FAM135B: variants seen among roughly 807,000 people sequenced by gnomAD.
FAM135B encodes family with sequence similarity 135 member B.
FAM135B carries 43 observed loss-of-function variants against 127.7 expected under a neutral mutation model. The ratio of observed to expected loss-of-function variants is 0.34; its 90% confidence interval spans 0.26 to 0.43. The LOEUF (loss-of-function observed/expected upper bound fraction) is 0.43. Ranked by LOEUF, FAM135B falls within the 20% of genes least tolerant of loss-of-function variation. FAM135B has a pLI of 1.00. For missense variants in FAM135B, 1,558 were observed against 1,725.6 expected (o/e 0.90, Z 1.72); for synonymous variants, 670 against 665.1 (o/e 1.01, Z -0.11).
At position 138,489,550 on chromosome 8, in the gene FAM135B, C is replaced by A. The variant is rs369611905; in HGVS notation, c.-20+7121G>T. ...TATATTGCAACCAGAATGGACCATT[C>A]CAAAATGCATGTTTGTATCTGTCAT... On this transcript the variant is annotated intron_variant, in intron 1 of 19. Coordinates refer to ENST00000395297, the MANE Select transcript of FAM135B (RefSeq NM_015912.4). Among the ~76,000 whole-genome samples the A allele has an allele frequency of 1.2e-4, 19 of 152,264 alleles. No homozygotes were observed. The East Asian group carries it at 2.9e-3, about 23-fold the overall frequency.
intron 7 of FAM135B, among the ~76,000 whole-genome samples, chr8:138,239,863 G>A (rs1820597660): frequency 1.3e-5 from 2 of 152,146 alleles, no homozygotes; most frequent in Admixed American, 1.3e-4. Flanking sequence ...CATGGATGAA[G>A]CTGGAAACCA....
intron 1 of FAM135B, among the ~76,000 whole-genome samples, chr8:138,417,383 A>G (rs1012366111): frequency 2.6e-5 from 4 of 152,154 alleles, no homozygotes; most frequent in Non-Finnish European, 4.4e-5. Context: ...GCAGGCCCTC[A>G]CCACCAGCAA....
intron 12 of FAM135B, among the ~76,000 whole-genome samples, chr8:138,153,430 T>C (rs569084841): frequency 1.0e-3 from 153 of 152,122 alleles, no homozygotes; most frequent in Middle Eastern, 3.4e-3. Context: ...GTCCATCTCA[T>C]TGGGACTTGT....
At chr8:138,206,819 A>G in intron 7 of FAM135B, among the ~76,000 whole-genome samples, 1 of 150,582 alleles carries the variant, frequency 6.6e-6, no homozygotes, top group African/African-American at 2.4e-5. Flanking sequence ...CCACCTACAC[A>G]CAACTCCAGC....
At chr8:138,480,533 T>C (rs1814730576) in intron 1 of FAM135B, among the ~76,000 whole-genome samples, 1 of 152,188 alleles carries the variant, frequency 6.6e-6, no homozygotes, top group South Asian at 2.1e-4. Flanking sequence ...AAATAGGATT[T>C]TTTTAATCTA....
intron 2 of FAM135B, chr8:138,367,385 G>A (rs926286003): frequency 1.3e-5 from 6 of 456,092 alleles, no homozygotes; most frequent in Middle Eastern, 3.2e-4. Context: ...TCACCTGCAC[G>A]TGAAATGCCA....
At chr8:138,185,211 G>A (rs1357657730) in intron 9 of FAM135B, among the ~76,000 whole-genome samples, 5 of 152,156 alleles carry the variant, frequency 3.3e-5, no homozygotes, top group Non-Finnish European at 5.9e-5. Flanking sequence ...GCATCAAAAC[G>A]AGGACCCATG....
intron 7 of FAM135B, among the ~76,000 whole-genome samples, chr8:138,202,000 CT>C (rs1817164054): frequency 6.6e-6 from 1 of 152,004 alleles, no homozygotes; most frequent in African/African-American, 2.4e-5. Context: ...TGGCACATGC[CT>C]GTAATCCCAG....
intron 7 of FAM135B, among the ~76,000 whole-genome samples, chr8:138,239,606 C>G (rs1417565888): frequency 6.6e-6 from 1 of 152,140 alleles, no homozygotes; most frequent in Non-Finnish European, 1.5e-5. Flanking sequence ...CCTCAAGGAT[C>G]TAGAACTAGA....
intron 12 of FAM135B, among the ~76,000 whole-genome samples, chr8:138,166,941 C>A (rs1819985252): frequency 6.6e-6 from 1 of 152,012 alleles, no homozygotes; most frequent in Admixed American, 6.6e-5. Flanking sequence ...AACAAATCAG[C>A]CTGGAGAAGA....
chr8:138,285,154 T>C (rs1333151068), intron 3 of FAM135B, among the ~76,000 whole-genome samples: 1 of 131,638 alleles, frequency 7.6e-6, no homozygotes, highest in Non-Finnish European at 1.6e-5. Context: ...TTTTTTTTTT[T>C]TTTTTTTTTT....
chr8:138,276,799 G>A (rs546081541), intron 3 of FAM135B, among the ~76,000 whole-genome samples: 4 of 152,326 alleles, frequency 2.6e-5, no homozygotes, highest in Admixed American at 1.3e-4. Context: ...GGGGAGCACA[G>A]AGAGTACCTA....
At chr8:138,226,976 C>T (rs956599913) in intron 7 of FAM135B, among the ~76,000 whole-genome samples, 9 of 152,194 alleles carry the variant, frequency 5.9e-5, no homozygotes, top group African/African-American at 1.2e-4. Context: ...GGATTGCAGG[C>T]GTGAGCCACC....
intron 11 of FAM135B, among the ~76,000 whole-genome samples, chr8:138,169,742 C>T (rs976666584): frequency 5.3e-5 from 8 of 152,114 alleles, no homozygotes; most frequent in Non-Finnish European, 1.2e-4. Flanking sequence ...CTGGGAAGTA[C>T]ACCTAGAGGA....
chr8:138,373,755 C>T (rs1438722010), intron 1 of FAM135B, among the ~76,000 whole-genome samples: 3 of 151,910 alleles, frequency 2.0e-5, no homozygotes, highest in African/African-American at 4.8e-5. Flanking sequence ...TGGGTGTGGC[C>T]GTCTTCTATG....
At chr8:138,446,604 G>T (rs986966393) in intron 1 of FAM135B, among the ~76,000 whole-genome samples, 1 of 152,172 alleles carries the variant, frequency 6.6e-6, no homozygotes, top group South Asian at 2.1e-4. Flanking sequence ...CTAGCCATAT[G>T]TAGAAAGCTG....
intron 2 of FAM135B, among the ~76,000 whole-genome samples, chr8:138,315,199 A>G (rs1296344945): frequency 6.6e-6 from 1 of 152,162 alleles, no homozygotes; most frequent in Non-Finnish European, 1.5e-5. Flanking sequence ...TCAAATTACC[A>G]ACACGTTTGT....
At position 138,287,166 on chromosome 8, in the gene FAM135B, C is replaced by A. The variant is rs115708880; in HGVS notation, c.158-21324G>T. ...ACATGATATACCCAAAAATTGTCAT[C>A]AAAGATGTGGTTGGCAGAAGACAGG... On this transcript the variant is annotated intron_variant, in intron 3 of 19. Transcript: ENST00000395297. Among the ~76,000 whole-genome samples the A allele has an allele frequency of 2.5e-3, 380 of 152,024 alleles. 1 individual carries two copies. Among genetic ancestry groups the A allele is most frequent in the African/African-American group, 8.5e-3 (351 of 41,460 alleles).
At chr8:138,320,058 C>A (rs751439418) in intron 2 of FAM135B, among the ~76,000 whole-genome samples, 12 of 152,184 alleles carry the variant, frequency 7.9e-5, no homozygotes, top group Admixed American at 2.0e-4. Context: ...CATGGAGACT[C>A]CTCTAGCGCC....
Sources: allele counts gnomAD v4.1 joint callset (sites outside exome capture counted in the v4.1 genomes callset), GRCh38; gene constraint gnomAD v4.1.1; transcripts MANE v1.5; gene names NCBI Gene and HGNC (gene_info 2026-07-23, HGNC 2026-07-21).